DMRT1: variants seen among roughly 807,000 people sequenced by gnomAD.
DMRT1 encodes the protein doublesex and mab-3 related transcription factor 1, also known as doublesex- and mab-3-related transcription factor 1.
Under a neutral mutation model 32.3 loss-of-function variants are expected in DMRT1, and 7 were observed. That is an observed-to-expected ratio of 0.22 (90% CI 0.12 to 0.41). DMRT1 has a LOEUF of 0.41. Among genes scored for constraint, DMRT1 ranks in the 10% least tolerant of loss-of-function variants. The pLI is 1.00. For synonymous variants in DMRT1, 278 were observed against 206.1 expected (o/e 1.35, Z -2.99); for missense variants, 625 against 500.5 (o/e 1.25, Z -2.37).
chr9:857,743 A>G lies in DMRT1; in HGVS notation c.538+10600A>G, dbSNP rs574381072. ...TGCACCCATTAACTCATCATTTAACATTAGGTATATCTCCTAATGCTATCC... is the reference window on the plus strand; with the variant it reads ...TGCACCCATTAACTCATCATTTAACGTTAGGTATATCTCCTAATGCTATCC... On this transcript the variant is annotated intron_variant, in intron 2 of 4. Coordinates refer to ENST00000382276, the MANE Select transcript of DMRT1 (RefSeq NM_021951.3). 4.0e-5 allele frequency among the ~76,000 whole-genome samples: 6 copies of G among 150,534 alleles called. No homozygotes were observed. The East Asian group carries it at 9.9e-4, about 25-fold the overall frequency.
At chr9:853,278 A>G (rs1815240999) in intron 2 of DMRT1, among the ~76,000 whole-genome samples, 1 of 152,094 alleles carries the variant, frequency 6.6e-6, no homozygotes, top group Non-Finnish European at 1.5e-5. Flanking sequence ...TAGTTTGCAT[A>G]GGGGTTTGCT....
chr9:878,200 G>GC (rs34336062), intron 2 of DMRT1, among the ~76,000 whole-genome samples: 39,322 of 94,254 alleles, frequency 0.42, 7,972 homozygotes, highest in Admixed American at 0.53. Flanking sequence ...TGCAGCTGCT[G>GC]CCCCCCCCCC....
intron 4 of DMRT1, among the ~76,000 whole-genome samples, chr9:930,730 G>A (rs1564259146): frequency 6.6e-6 from 1 of 152,182 alleles, no homozygotes; most frequent in South Asian, 2.1e-4. Context: ...TTTTTTGTAG[G>A]ACAGGTTCTT....
At chr9:952,869 A>T (rs1443264510) in intron 4 of DMRT1, among the ~76,000 whole-genome samples, 1 of 152,172 alleles carries the variant, frequency 6.6e-6, no homozygotes, top group Non-Finnish European at 1.5e-5. Flanking sequence ...TTGTGACCAA[A>T]TGTTGGCGTG....
chr9:848,534 C>T, intron 2 of DMRT1, among the ~76,000 whole-genome samples: 1 of 146,550 alleles, frequency 6.8e-6, no homozygotes, highest in African/African-American at 2.5e-5. Flanking sequence ...TAATAGTTTC[C>T]AAACTTTTGT....
intron 4 of DMRT1, among the ~76,000 whole-genome samples, chr9:953,220 G>A (rs1819486075): frequency 6.6e-6 from 1 of 152,012 alleles, no homozygotes; most frequent in East Asian, 1.9e-4. Flanking sequence ...CGTATCTGAC[G>A]GCCACCCCTT....
In DMRT1 at chr9:886,682, T is replaced by C. The variant is rs117861567; in HGVS notation, c.539-7230T>C. On this transcript the variant is annotated intron_variant, in intron 2 of 4. Transcript: ENST00000382276. The stretch of plus-strand genomic sequence containing the variant: ...TGAAAACTTTATGTATATATAAATA[T>C]ATACATATTTTAAATTTTGTATGAT... Among the ~76,000 whole-genome samples the C allele has an allele frequency of 2.3e-3, 354 of 152,244 alleles. 11 individuals are homozygous for C. In the East Asian group the frequency reaches 0.062, roughly 27 times the overall value.
rs550237919 is a variant in DMRT1, at chr9:882,598, C to T, written c.539-11314C>T. On this transcript the variant is annotated intron_variant, in intron 2 of 4. Coordinates refer to ENST00000382276, the MANE Select transcript of DMRT1 (RefSeq NM_021951.3). The stretch of plus-strand genomic sequence containing the variant: ...TGCACACAATGGATGGGCTTTGACA[C>T]TCTGGGCTTTTCAGTAGCCCCAGGG... Among the ~76,000 whole-genome samples the T allele has an allele frequency of 2.6e-5, 4 of 152,170 alleles. No individual in the cohort carries two copies. The East Asian group carries it at 7.7e-4, about 29-fold the overall frequency.
chr9:854,473 A>G (rs778621519), intron 2 of DMRT1, among the ~76,000 whole-genome samples: 6 of 152,014 alleles, frequency 3.9e-5, no homozygotes, highest in Non-Finnish European at 7.4e-5. Context: ...TAGTAGAGAC[A>G]GGGTTTTGCC....
intron 3 of DMRT1, among the ~76,000 whole-genome samples, chr9:906,462 T>C (rs1340527039): frequency 6.6e-6 from 1 of 152,244 alleles, no homozygotes; most frequent in African/African-American, 2.4e-5. Flanking sequence ...TGGCTTATTT[T>C]CCTATACTGC....
At chr9:903,270 C>T (rs1455881247) in intron 3 of DMRT1, among the ~76,000 whole-genome samples, 17 of 152,062 alleles carry the variant, frequency 1.1e-4, no homozygotes, top group African/African-American at 3.9e-4. Flanking sequence ...TGCCCACCCC[C>T]ACCCACATTA....
chr9:919,890 A>G (rs1020526887), intron 4 of DMRT1, among the ~76,000 whole-genome samples: 5 of 152,216 alleles, frequency 3.3e-5, no homozygotes, highest in African/African-American at 1.2e-4. Flanking sequence ...TGGATGGGAC[A>G]GGAAGAGAGG....
chr9:910,534 A>G (rs1480345088), intron 3 of DMRT1, among the ~76,000 whole-genome samples: 3 of 152,186 alleles, frequency 2.0e-5, no homozygotes, highest in Admixed American at 1.3e-4. Flanking sequence ...TTTTTTAAAA[A>G]AAGAAGTGAA....
At chr9:956,097 G>A (rs1819591595) in intron 4 of DMRT1, among the ~76,000 whole-genome samples, 2 of 152,216 alleles carry the variant, frequency 1.3e-5, no homozygotes, top group Non-Finnish European at 2.9e-5. Flanking sequence ...TCTTTAAAAG[G>A]AAGGAAATTC....
intron 3 of DMRT1, among the ~76,000 whole-genome samples, chr9:895,392 G>A (rs1030537750): frequency 1.3e-5 from 2 of 152,148 alleles, no homozygotes; most frequent in Admixed American, 1.3e-4. Context: ...AAGACATTAG[G>A]ATTCTGCAAG....
At chr9:941,493 A>G (rs1008837029) in intron 4 of DMRT1, among the ~76,000 whole-genome samples, 1 of 152,228 alleles carries the variant, frequency 6.6e-6, no homozygotes, top group Non-Finnish European at 1.5e-5. Flanking sequence ...TAGTCAAAAC[A>G]TAGAGGCAAA....
chr9:956,362 G>T lies in DMRT1; in HGVS notation c.968-11623G>T, dbSNP rs1425576591. Among the ~76,000 whole-genome samples, 5 of 152,154 alleles carry T rather than the reference G, an allele frequency of 3.3e-5. No homozygotes were observed. In the East Asian group the frequency reaches 9.6e-4, roughly 29 times the overall value. ...GGAGATGGATGGTGGCAGTGGTTGT[G>T]AATGTACTTCAAATGCATGTATTTC... On this transcript the variant is annotated intron_variant, in intron 4 of 4. Coordinates refer to ENST00000382276, the MANE Select transcript of DMRT1 (RefSeq NM_021951.3).
At chr9:922,080 A>G (rs771023414) in intron 4 of DMRT1, among the ~76,000 whole-genome samples, 4 of 151,628 alleles carry the variant, frequency 2.6e-5, no homozygotes, top group Non-Finnish European at 4.4e-5. Context: ...GAGTTTTGCC[A>G]TATTGCTCAG....
At chr9:877,398 C>T (rs1051672648) in intron 2 of DMRT1, among the ~76,000 whole-genome samples, 2 of 152,202 alleles carry the variant, frequency 1.3e-5, no homozygotes, top group Admixed American at 1.3e-4. Flanking sequence ...GAAATGCCAG[C>T]AAGTGGCTAA....
Sources: allele counts gnomAD v4.1 joint callset (sites outside exome capture counted in the v4.1 genomes callset), GRCh38; gene constraint gnomAD v4.1.1; transcripts MANE v1.5; gene names NCBI Gene and HGNC (gene_info 2026-07-23, HGNC 2026-07-21).